SYNGR1: variants seen among roughly 807,000 people sequenced by gnomAD.
SYNGR1 encodes the protein synaptogyrin-1.
SYNGR1 carries 14 observed loss-of-function variants against 26.1 expected under a neutral mutation model. The ratio of observed to expected loss-of-function variants is 0.54; its 90% CI spans 0.35 to 0.84. SYNGR1 has a LOEUF of 0.84. Among genes scored for constraint, SYNGR1 ranks in the 40% least tolerant of loss-of-function variants. SYNGR1 has a pLI of 0.01. For synonymous variants in SYNGR1, 141 were observed against 150.1 expected (o/e 0.94, Z 0.44); for missense variants, 319 against 332.9 (o/e 0.96, Z 0.33).
At position 39,381,999 on chromosome 22, in the gene SYNGR1, C is replaced by A; in HGVS notation, c.*85C>A. 1 of 1,438,322 alleles carries A rather than the reference C, an allele frequency of 7.0e-7. No homozygotes were observed. The highest frequency in any genetic ancestry group is 9.5e-7 in the Non-Finnish European group (1 of 1,056,630). The allele number at this position is 1,438,322 out of a possible 1,614,324, so 89.1% of individuals were successfully genotyped here. ...CCTGCTCCTGCCCAGGCTGCCCTGC[C>A]CAGCGCCTCATCAGCCTCTGCCTTG... is the stretch of plus-strand genomic sequence containing the variant. On this transcript the variant is annotated 3_prime_UTR_variant, in exon 4 of 4. Coordinates refer to ENST00000328933, the MANE Select transcript of SYNGR1 (RefSeq NM_004711.5).
At chr22:39,352,979 G>A (rs762653747) in intron 1 of SYNGR1, among the ~76,000 whole-genome samples, 18 of 151,688 alleles carry the variant, frequency 1.2e-4, no homozygotes, top group Non-Finnish European at 2.1e-4. Flanking sequence ...CTACTGCCTC[G>A]GCCTCCCAAG....
chr22:39,364,397 G>T, intron 1 of SYNGR1: 1 of 1,585,314 alleles, frequency 6.3e-7, no homozygotes, highest in Non-Finnish European at 8.6e-7. Flanking sequence ...GCTTTGTGGG[G>T]ATGATTTGCA....
chr22:39,364,906 G>T (rs1207278594), intron 1 of SYNGR1, among the ~76,000 whole-genome samples: 1 of 152,116 alleles, frequency 6.6e-6, no homozygotes, highest in Non-Finnish European at 1.5e-5. Flanking sequence ...TCCACCAAGC[G>T]CCATCTGGAA....
chr22:39,362,626 G>A (rs572917599), intron 1 of SYNGR1, among the ~76,000 whole-genome samples: 72 of 152,266 alleles, frequency 4.7e-4, no homozygotes, highest in African/African-American at 1.6e-3. Context: ...AAGTGTGACC[G>A]CTCCCTTCTT....
At chr22:39,377,898 A>G in intron 3 of SYNGR1, 2 of 1,425,910 alleles carry the variant, frequency 1.4e-6, no homozygotes, top group South Asian at 1.4e-5. Flanking sequence ...CATTCAGTAA[A>G]CATTTATTGA....
intron 3 of SYNGR1, among the ~76,000 whole-genome samples, chr22:39,376,730 G>A (rs1394012888): frequency 3.9e-5 from 6 of 152,100 alleles, no homozygotes; most frequent in Non-Finnish European, 7.3e-5. Flanking sequence ...TGAGAGCCGT[G>A]AGCAGGCCGG....
At chr22:39,379,820 G>A (rs1179889206) in intron 3 of SYNGR1, 2 of 152,140 alleles carry the variant, frequency 1.3e-5, no homozygotes, top group African/African-American at 4.8e-5. Context: ...ACCTGGGAAG[G>A]GGTAGGACCC....
At chr22:39,353,194 A>C (rs890734636) in intron 1 of SYNGR1, among the ~76,000 whole-genome samples, 3 of 152,044 alleles carry the variant, frequency 2.0e-5, no homozygotes, top group African/African-American at 7.2e-5. Context: ...TTTGTAAAAG[A>C]AAGATTTTTT....
At chr22:39,357,908 C>T (rs1006841223) in intron 1 of SYNGR1, among the ~76,000 whole-genome samples, 1 of 152,356 alleles carries the variant, frequency 6.6e-6, no homozygotes, top group African/African-American at 2.4e-5. Flanking sequence ...CTGTGCGGCC[C>T]GAGCCTCCCC....
intron 1 of SYNGR1, among the ~76,000 whole-genome samples, chr22:39,365,744 A>G (rs780236609): frequency 2.8e-4 from 42 of 152,086 alleles, no homozygotes; most frequent in Non-Finnish European, 4.9e-4. Flanking sequence ...AGCAGGCTGC[A>G]AGGGATGTGG....
chr22:39,350,880 C>T lies in SYNGR1; in HGVS notation c.99+771C>T, dbSNP rs542739965. Among the ~76,000 whole-genome samples, 7 of 152,286 alleles carry T rather than the reference C, an allele frequency of 4.6e-5. No homozygotes were observed. The East Asian group carries it at 1.2e-3, about 25-fold the overall frequency. Reference sequence around the variant, plus strand: ...CCCACTCAGCATGCACCTGGATGCCCAAGGCGGGTGTCTGGGAGAAAGGTC... The same window carrying T: ...CCCACTCAGCATGCACCTGGATGCCTAAGGCGGGTGTCTGGGAGAAAGGTC... On this transcript the variant is annotated intron_variant, in intron 1 of 3. Transcript: ENST00000328933. This position sits in a 1 kb window ranked among gnomAD's most constrained non-coding sequence, Gnocchi z 4.3.
Position 39,350,148 on chromosome 22 carries a change from T to C in SYNGR1, c.99+39T>C. On this transcript the variant is annotated intron_variant, in intron 1 of 3. Coordinates refer to ENST00000328933, the MANE Select transcript of SYNGR1 (RefSeq NM_004711.5). The surrounding 1 kb of genome is among the most constrained non-coding windows in gnomAD (Gnocchi z 4.3). ...GGCCGACGGCTCTGCCAGGCCGGGG[T>C]GGTGGGGGTGTGAGCAAAGGCGGCG... 7.4e-7 allele frequency: 1 copy of C among 1,345,074 alleles called. No homozygotes were observed. The highest frequency in any genetic ancestry group is 9.8e-7 in the Non-Finnish European group (1 of 1,024,958). The allele number at this position is 1,345,074 out of a possible 1,614,324, so 83.3% of individuals were successfully genotyped here.
intron 3 of SYNGR1, chr22:39,378,265 C>G: frequency 9.0e-6 from 9 of 995,210 alleles, no homozygotes; most frequent in Non-Finnish European, 1.1e-5. Flanking sequence ...GTCCACTTAC[C>G]TGAACTGAGG....
At chr22:39,361,484 A>T (rs1185124811) in intron 1 of SYNGR1, among the ~76,000 whole-genome samples, 1 of 151,456 alleles carries the variant, frequency 6.6e-6, no homozygotes, top group Non-Finnish European at 1.5e-5. Flanking sequence ...CAGCCTCCCA[A>T]GTAGCTGAGA....
intron 1 of SYNGR1, among the ~76,000 whole-genome samples, chr22:39,357,754 C>T (rs975768250): frequency 6.6e-6 from 1 of 152,024 alleles, no homozygotes; most frequent in African/African-American, 2.4e-5. Flanking sequence ...CCAGCGGCTG[C>T]GGAGGGTGTA....
chr22:39,372,168 T>C (rs1925055348), intron 1 of SYNGR1, among the ~76,000 whole-genome samples: 1 of 147,698 alleles, frequency 6.8e-6, no homozygotes, highest in Non-Finnish European at 1.5e-5. Context: ...TCTCACTCTG[T>C]TGCCTAAGCT....
Position 39,381,813 on chromosome 22 carries a change from G to A in SYNGR1, c.601G>A (p.Glu201Lys). ...CAGCATGCCTTACGCGCCCTACGTG[G>A]AGCCCACTGGGCCGGATCCCGCCGG... ...DSSMPYAPYV[E>K]PTGPDPAGMG... Residue 201 changes from glutamate (E) to lysine (K), a missense_variant, in exon 4 of 4, where the codon GAG (glutamate) becomes AAG (lysine). Transcript: ENST00000328933. 1.3e-6 allele frequency: 2 copies of A among 1,510,210 alleles called. No individual in the cohort carries two copies. 93.6% of individuals were successfully genotyped at this position (1,510,210 alleles called of 1,614,324 possible). A position where few individuals can be genotyped will look rare whatever the true frequency, so the allele number is the denominator to read the frequency against.
intron 1 of SYNGR1, among the ~76,000 whole-genome samples, chr22:39,369,429 C>G (rs1433303875): frequency 1.3e-5 from 2 of 152,204 alleles, no homozygotes; most frequent in Non-Finnish European, 2.9e-5. Flanking sequence ...AGACTTGAGA[C>G]TGAATCGAGT....
In SYNGR1 at chr22:39,381,691, C is replaced by G; in HGVS notation, c.484-5C>G. 6.2e-7 allele frequency: 1 copy of G among 1,613,322 alleles called. No homozygotes were observed. The highest frequency in any genetic ancestry group is 1.1e-5 in the South Asian group (1 of 91,082). On this transcript the variant is annotated splice_polypyrimidine_tract_variant and splice_region_variant and intron_variant, in intron 3 of 3. Coordinates refer to ENST00000328933, the MANE Select transcript of SYNGR1 (RefSeq NM_004711.5). Reference sequence around the variant, plus strand: ...GTCCTTGTCCTCGCCGGCCTTTGTCCCCAGGCGGGCCAGGCTGTGCTGGCC... The same window carrying G: ...GTCCTTGTCCTCGCCGGCCTTTGTCGCCAGGCGGGCCAGGCTGTGCTGGCC...
Sources: allele counts gnomAD v4.1 joint callset (sites outside exome capture counted in the v4.1 genomes callset), GRCh38; gene constraint gnomAD v4.1.1; non-coding constraint Gnocchi (gnomAD v3.1); transcripts MANE v1.5; gene names NCBI Gene and HGNC (gene_info 2026-07-23, HGNC 2026-07-21).